The following MCTP2 variants were observed in gnomAD, a reference collection of about 807,000 sequenced individuals.
The protein encoded by MCTP2 is multiple C2 and transmembrane domain containing 2, also known as multiple C2 and transmembrane domain-containing protein 2.
A neutral mutation model predicts 111.6 loss-of-function variants in MCTP2; 132 were observed. The observed-to-expected ratio is 1.18, with a 90% CI of 1.03 to 1.37. The LOEUF (loss-of-function observed/expected upper bound fraction) is 1.37, where lower values mean the gene tolerates loss of function less well. Ranked by LOEUF, MCTP2 falls within the 40% of genes most tolerant of loss-of-function variation. The probability of loss-of-function intolerance (pLI) is 0.00; values close to 1 mark genes in which losing one functional copy is unlikely to be tolerated. For synonymous variants in MCTP2, 395 were observed against 387.7 expected, an observed-to-expected ratio of 1.02 and a Z score of -0.22; for missense variants, 1,183 against 1,067.9, an observed-to-expected ratio of 1.11 and a Z score of -1.50.
chr15:94,395,285 G>A (rs1326884042), intron 14 of MCTP2, among the ~76,000 whole-genome samples: 4 of 152,268 alleles, frequency 2.6e-5, no homozygotes, highest in East Asian at 1.9e-4. Context: ...AGTGAATAAC[G>A]GCTGAAAGAG....
chr15:94,242,947 A>C lies in MCTP2; in HGVS notation c.-66+11283A>C, dbSNP rs544873478. On this transcript the variant is annotated intron_variant, in intron 1 of 22. Coordinates refer to ENST00000357742, the MANE Select transcript of MCTP2 (RefSeq NM_001385001.1). ...TACACATATACACGTGTATATGTAG[A>C]TACACATATACACGTGTATATGTGT... is the stretch of plus-strand genomic sequence containing the variant. Among the ~76,000 whole-genome samples, 38 of 131,624 alleles carry C rather than the reference A, an allele frequency of 2.9e-4. 3 individuals are homozygous for C. Among genetic ancestry groups the C allele is most frequent in the South Asian group, 7.4e-4 (3 of 4,062 alleles). 86.4% of individuals were successfully genotyped at this position (131,624 alleles called of 152,430 possible).
chr15:94,413,387 C>T (rs1470810856), intron 17 of MCTP2, among the ~76,000 whole-genome samples: 1 of 152,078 alleles, frequency 6.6e-6, no homozygotes, highest in African/African-American at 2.4e-5. Flanking sequence ...ATCCAGATTA[C>T]TGCCCAGTTG....
intron 1 of MCTP2, among the ~76,000 whole-genome samples, chr15:94,285,709 T>C (rs2074719190): frequency 6.6e-6 from 1 of 152,172 alleles, no homozygotes; most frequent in Admixed American, 6.5e-5. Context: ...TTTCCTTTTC[T>C]CCAAACTTCT....
intron 1 of MCTP2, among the ~76,000 whole-genome samples, chr15:94,260,678 G>A (rs1333443139): frequency 6.6e-6 from 1 of 152,154 alleles, no homozygotes; most frequent in African/African-American, 2.4e-5. Context: ...TACACTCTCA[G>A]ATATCCTTTA....
chr15:94,308,440 A>G (rs1426840447), intron 2 of MCTP2, among the ~76,000 whole-genome samples: 1 of 152,194 alleles, frequency 6.6e-6, no homozygotes, highest in Non-Finnish European at 1.5e-5. Context: ...AGTGCTCTCC[A>G]GGGCCGAACT....
chr15:94,401,894 A>T lies in MCTP2; in HGVS notation c.1966-6A>T. The T allele has an allele frequency of 6.2e-7, 1 of 1,602,092 alleles. No homozygotes were observed. The highest frequency in any genetic ancestry group is 8.5e-7 in the Non-Finnish European group (1 of 1,174,338). On this transcript the variant is annotated splice_region_variant and splice_polypyrimidine_tract_variant and intron_variant, in intron 16 of 22. Coordinates refer to ENST00000357742, the MANE Select transcript of MCTP2 (RefSeq NM_001385001.1). ...TAGTTTCCTGTTTGTCATTTTTTAA[A>T]ATCAGATCTTATCAAGAGATGTGGA...
chr15:94,461,312 T>C (rs990634793), intron 20 of MCTP2, among the ~76,000 whole-genome samples: 1 of 151,840 alleles, frequency 6.6e-6, no homozygotes, highest in Non-Finnish European at 1.5e-5. Context: ...ATACAAAAAT[T>C]AGCCGAGCAT....
intron 17 of MCTP2, among the ~76,000 whole-genome samples, chr15:94,404,992 C>T (rs571917520): frequency 3.3e-5 from 5 of 152,178 alleles, no homozygotes; most frequent in African/African-American, 9.7e-5. Context: ...TCCAACTGCT[C>T]GCCTTGGCAT....
intron 22 of MCTP2, among the ~76,000 whole-genome samples, 183 bp downstream of exon 22, chr15:94,476,976 G>T (rs766014065): frequency 1.3e-5 from 2 of 152,120 alleles, no homozygotes; most frequent in Non-Finnish European, 2.9e-5. Flanking sequence ...GAGGTGATTG[G>T]GGGAAATTGT....
At chr15:94,270,227 G>T (rs1462631649) in intron 1 of MCTP2, among the ~76,000 whole-genome samples, 1 of 152,184 alleles carries the variant, frequency 6.6e-6, no homozygotes, top group Non-Finnish European at 1.5e-5. Flanking sequence ...AGTGCCAGAA[G>T]TACCCCCTGT....
intron 4 of MCTP2, among the ~76,000 whole-genome samples, chr15:94,326,503 C>A (rs1014177853): frequency 6.6e-6 from 1 of 152,190 alleles, no homozygotes; most frequent in Non-Finnish European, 1.5e-5. Flanking sequence ...TATTTGTTGA[C>A]CTACTGGTGT....
intron 19 of MCTP2, among the ~76,000 whole-genome samples, chr15:94,443,993 A>AC (rs1241804865): frequency 4.0e-5 from 6 of 149,388 alleles, no homozygotes; most frequent in Admixed American, 2.7e-4. Context: ...AAAAAAAAAA[A>AC]AAAAAAAAAA....
intron 17 of MCTP2, among the ~76,000 whole-genome samples, chr15:94,416,113 A>T (rs1270572234): frequency 6.6e-6 from 1 of 152,164 alleles, no homozygotes; most frequent in Non-Finnish European, 1.5e-5. Context: ...ATTGAGAAGT[A>T]AGCATTCCTC....
intron 1 of MCTP2, among the ~76,000 whole-genome samples, chr15:94,247,465 C>G (rs1353123196): frequency 6.6e-6 from 1 of 152,090 alleles, no homozygotes; most frequent in Non-Finnish European, 1.5e-5. Context: ...TTGATAGTGT[C>G]TGAGATCACT....
chr15:94,466,418 T>C (rs2073305473), intron 20 of MCTP2, among the ~76,000 whole-genome samples: 1 of 152,136 alleles, frequency 6.6e-6, no homozygotes, highest in Non-Finnish European at 1.5e-5. Flanking sequence ...CCTACCAATC[T>C]AGGTCCTTTC....
intron 17 of MCTP2, among the ~76,000 whole-genome samples, chr15:94,425,990 T>C (rs1262970317): frequency 1.3e-5 from 2 of 152,048 alleles, no homozygotes; most frequent in African/African-American, 4.8e-5. Flanking sequence ...TGGCTATTAG[T>C]GTTTTTTGGA....
intron 1 of MCTP2, among the ~76,000 whole-genome samples, chr15:94,245,315 C>T (rs961685693): frequency 5.1e-5 from 7 of 137,470 alleles, no homozygotes; most frequent in Admixed American, 3.7e-4. Context: ...CATATATGTA[C>T]ATATATTTAC....
At chr15:94,384,594 G>A (rs753159162) in intron 13 of MCTP2, among the ~76,000 whole-genome samples, 7 of 152,220 alleles carry the variant, frequency 4.6e-5, no homozygotes, top group Middle Eastern at 6.8e-3. Flanking sequence ...TATCAAACCT[G>A]GGCATTTAGG....
chr15:94,457,752 TGATAG>T (rs2084926532), intron 19 of MCTP2, among the ~76,000 whole-genome samples: 1 of 152,146 alleles, frequency 6.6e-6, no homozygotes, highest in Non-Finnish European at 1.5e-5. Context: ...TGAAGAACAC[TGATAG>T]GAGAGGAGTA....
Sources: allele counts gnomAD v4.1 joint callset (sites outside exome capture counted in the v4.1 genomes callset), GRCh38; gene constraint gnomAD v4.1.1; transcripts MANE v1.5; gene names NCBI Gene and HGNC (gene_info 2026-07-23, HGNC 2026-07-21).